DNAJB5: variants seen among roughly 807,000 people sequenced by gnomAD.
DNAJB5 encodes the protein DnaJ heat shock protein family (Hsp40) member B5, also known as dnaJ homolog subfamily B member 5.
A neutral mutation model predicts 32.6 loss-of-function variants in DNAJB5; 12 were observed. The ratio of observed to expected loss-of-function variants is 0.37; its 90% CI spans 0.24 to 0.60. The LOEUF (loss-of-function observed/expected upper bound fraction) is 0.60, where lower values mean the gene tolerates loss of function less well. Ranked by LOEUF, DNAJB5 falls within the 20% of genes least tolerant of loss-of-function variation. The pLI is 0.71. For missense variants in DNAJB5, 358 were observed against 554.2 expected (o/e 0.65, Z 3.55); for synonymous variants, 188 against 212.9 (o/e 0.88, Z 1.02).
At chr9:34,994,542 T>C (rs920104439) in intron 3 of DNAJB5, among the ~76,000 whole-genome samples, 11 of 152,160 alleles carry the variant, frequency 7.2e-5, no homozygotes, top group Non-Finnish European at 1.3e-4. Flanking sequence ...CTCTCTGGCA[T>C]GGAGGGATGG....
chr9:34,992,093 T>G (rs1827664311), intron 2 of DNAJB5: 1 of 152,498 alleles, frequency 6.6e-6, no homozygotes, highest in Non-Finnish European at 1.5e-5. Flanking sequence ...GGGCTGAGAA[T>G]GGCTTCTGGC....
Position 34,997,408 on chromosome 9 carries a change from T to C in DNAJB5, c.*149T>C, listed in dbSNP as rs756805139. ...ACTGGTTTTCAGGAAAATGTTCCTG[T>C]CCCTGACCCCTTTTAGAGCTGGGCT... On this transcript the variant is annotated 3_prime_UTR_variant, in exon 5 of 5. Coordinates refer to ENST00000682809, the MANE Select transcript of DNAJB5 (RefSeq NM_001349723.3). The surrounding 1 kb of genome is among the most constrained non-coding windows in gnomAD (Gnocchi z 4.1). 1.1e-6 allele frequency: 1 copy of C among 904,906 alleles called. No homozygotes were observed. Among genetic ancestry groups the C allele is most frequent in the Non-Finnish European group, 1.8e-6 (1 of 566,848 alleles). 56.1% of individuals were successfully genotyped at this position (904,906 alleles called of 1,614,324 possible).
rs1587494834 is a variant in DNAJB5 at position 34,990,985 on chromosome 9, T to A, written c.182+173T>A. 1.5e-6 allele frequency: 1 copy of A among 656,376 alleles called. No homozygotes were observed. The highest frequency in any genetic ancestry group is 2.7e-5 in the East Asian group (1 of 36,444). 40.7% of individuals were successfully genotyped at this position (656,376 alleles called of 1,614,324 possible). ...TTGAATGAATTGCACCCCTTATCATTCCTTTTCTCAAACCCTTCAGGTATC... is the reference window on the plus strand; with the variant it reads ...TTGAATGAATTGCACCCCTTATCATACCTTTTCTCAAACCCTTCAGGTATC... On this transcript the variant is annotated intron_variant, in intron 2 of 4. Transcript: ENST00000682809. This position sits in a 1 kb window ranked among gnomAD's most constrained non-coding sequence, Gnocchi z 4.5.
In DNAJB5 at chr9:34,993,098, G is replaced by A; in HGVS notation, c.183-102G>A. 1 of 1,471,942 alleles carries A rather than the reference G, an allele frequency of 6.8e-7. No individual in the cohort carries two copies. The highest frequency in any genetic ancestry group is 9.0e-7 in the Non-Finnish European group (1 of 1,116,252). 91.2% of individuals were successfully genotyped at this position (1,471,942 alleles called of 1,614,324 possible). A position where few individuals can be genotyped will look rare whatever the true frequency, so the allele number is the denominator to read the frequency against. On this transcript the variant is annotated intron_variant, in intron 2 of 4. Transcript: ENST00000682809. The surrounding 1 kb of genome is among the most constrained non-coding windows in gnomAD (Gnocchi z 4.7). ...CAGGCCCACAGAACAGGCATGACCT[G>A]CTGAAGGTTACCCAGGGAGTCATTT...
At position 34,989,775 on chromosome 9, in the gene DNAJB5, G is replaced by A; in HGVS notation, c.-189G>A. 1 of 1,231,360 alleles carries A rather than the reference G, an allele frequency of 8.1e-7. No homozygotes were observed. The highest frequency in any genetic ancestry group is 1.0e-6 in the Non-Finnish European group (1 of 987,596). 76.3% of individuals were successfully genotyped at this position (1,231,360 alleles called of 1,614,324 possible). ...GGGTGGAGGCGGCGGAGCCGGAGCC[G>A]GGGGAGGGGGCAGCGGCTGTCTCAC... is the stretch of plus-strand genomic sequence containing the variant. On this transcript the variant is annotated 5_prime_UTR_variant, in exon 1 of 5. Coordinates refer to ENST00000682809, the MANE Select transcript of DNAJB5 (RefSeq NM_001349723.3).
At position 34,997,094 on chromosome 9, in the gene DNAJB5, T is replaced by G; in HGVS notation, c.1098T>G (p.Asp366Glu). 6.2e-7 allele frequency: 1 copy of G among 1,614,184 alleles called. No individual in the cohort carries two copies. Among genetic ancestry groups the G allele is most frequent in the Non-Finnish European group, 8.5e-7 (1 of 1,180,036 alleles). ...DGRVIPLPCN[D>E]VIKPGTVKRL... ...GAGTGATCCCTTTGCCCTGCAATGA[T>G]GTCATCAAGCCAGGCACCGTGAAGA... The change falls in exon 5 of 5, where the codon GAT becomes GAG. Residue 366 changes from aspartate to glutamate, a missense_variant. By Grantham distance (45) the Asp-to-Glu change is conservative. This residue lies in a region of DNAJB5 where 248 missense variants were observed against 442.6 expected (regional missense o/e 0.56). Transcript: ENST00000682809. This position sits in a 1 kb window ranked among gnomAD's most constrained non-coding sequence, Gnocchi z 4.1.
At chr9:34,991,443 G>T (rs1243735048) in intron 2 of DNAJB5, 2 of 455,440 alleles carry the variant, frequency 4.4e-6, no homozygotes, top group East Asian at 1.4e-4. Context: ...AAGCTGGCCG[G>T]GTGTGGAGGT....
chr9:34,992,856 G>A (rs143843879), intron 2 of DNAJB5: 16,855 of 1,102,214 alleles, frequency 0.015, 150 homozygotes, highest in Middle Eastern at 0.028. Context: ...TGTGTGGGTC[G>A]CTCAGTCCAT....
Position 34,993,123 on chromosome 9 carries a change from T to C in DNAJB5, c.183-77T>C. 1 of 1,505,932 alleles carries C rather than the reference T, an allele frequency of 6.6e-7. No homozygotes were observed. Among genetic ancestry groups the C allele is most frequent in the Non-Finnish European group, 8.8e-7 (1 of 1,130,730 alleles). 93.3% of individuals were successfully genotyped at this position (1,505,932 alleles called of 1,614,324 possible). ...GCTGAAGGTTACCCAGGGAGTCATTTAGGGATTGCAAGATCATCAGGAACA... is the reference window on the plus strand; with the variant it reads ...GCTGAAGGTTACCCAGGGAGTCATTCAGGGATTGCAAGATCATCAGGAACA... On this transcript the variant is annotated intron_variant, in intron 2 of 4. Coordinates refer to ENST00000682809, the MANE Select transcript of DNAJB5 (RefSeq NM_001349723.3). This position sits in a 1 kb window ranked among gnomAD's most constrained non-coding sequence, Gnocchi z 4.7.
rs776358163 is a variant in DNAJB5 at position 34,997,723 on chromosome 9, G to C, written c.*464G>C. 2.2e-5 allele frequency: 7 copies of C among 318,908 alleles called. No homozygotes were observed. Among genetic ancestry groups the C allele is most frequent in the Admixed American group, 8.5e-5 (2 of 23,612 alleles). The allele number at this position is 318,908 out of a possible 1,614,324, so 19.8% of individuals were successfully genotyped here. The stretch of plus-strand genomic sequence containing the variant: ...CCACCCCCAGGTCCACAGTGTCCAA[G>C]GTAATGGCACACATATTCATGCACA... On this transcript the variant is annotated 3_prime_UTR_variant, in exon 5 of 5. Coordinates refer to ENST00000682809, the MANE Select transcript of DNAJB5 (RefSeq NM_001349723.3). The surrounding 1 kb of genome is among the most constrained non-coding windows in gnomAD (Gnocchi z 4.1).
At chr9:34,994,567 G>GA (rs2132980752) in intron 3 of DNAJB5, among the ~76,000 whole-genome samples, 1 of 152,312 alleles carries the variant, frequency 6.6e-6, no homozygotes, top group East Asian at 1.9e-4. Flanking sequence ...GATAGGAGTG[G>GA]AAAAGAGGGA....
chr9:34,997,346 G>C lies in DNAJB5; in HGVS notation c.*87G>C. The C allele has an allele frequency of 7.3e-7, 1 of 1,377,706 alleles. No homozygotes were observed. The allele number at this position is 1,377,706 out of a possible 1,614,324, so 85.3% of individuals were successfully genotyped here. On this transcript the variant is annotated 3_prime_UTR_variant, in exon 5 of 5. Coordinates refer to ENST00000682809, the MANE Select transcript of DNAJB5 (RefSeq NM_001349723.3). This position sits in a 1 kb window ranked among gnomAD's most constrained non-coding sequence, Gnocchi z 4.1. The stretch of plus-strand genomic sequence containing the variant: ...TGTGCACCCAGCTTGATGTCCACTG[G>C]ACACTGGCAACTTTTTCTAAAATGC...
chr9:34,993,554 G>A lies in DNAJB5; in HGVS notation c.427+110G>A. 1 of 1,433,320 alleles carries A rather than the reference G, an allele frequency of 7.0e-7. No homozygotes were observed. Among genetic ancestry groups the A allele is most frequent in the East Asian group, 2.3e-5 (1 of 43,404 alleles). The allele number at this position is 1,433,320 out of a possible 1,614,324, so 88.8% of individuals were successfully genotyped here. ...GGAGGCTGTGGAGGGGGTGAGGGCA[G>A]CAAGGGTTTCCAGCACTGTCACCCA... On this transcript the variant is annotated intron_variant, in intron 3 of 4. Transcript: ENST00000682809. The surrounding 1 kb of genome is among the most constrained non-coding windows in gnomAD (Gnocchi z 4.7).
rs1255845461 is a variant in DNAJB5, at chr9:34,993,858, G to A, written c.427+414G>A. Among the ~76,000 whole-genome samples, 1 of 152,162 alleles carries A rather than the reference G, an allele frequency of 6.6e-6. No individual in the cohort carries two copies. The highest frequency in any genetic ancestry group is 1.9e-4 in the East Asian group (1 of 5,196). On this transcript the variant is annotated intron_variant, in intron 3 of 4. Coordinates refer to ENST00000682809, the MANE Select transcript of DNAJB5 (RefSeq NM_001349723.3). The surrounding 1 kb of genome is among the most constrained non-coding windows in gnomAD (Gnocchi z 4.7). ...AAAGTCTGGCCCTTAAGCAGCCTGG[G>A]AATTAACTACCAGAGCTCTGAGCAG...
chr9:34,990,327 T>G lies in DNAJB5; in HGVS notation c.-132-172T>G. 1 of 1,459,792 alleles carries G rather than the reference T, an allele frequency of 6.9e-7. No individual in the cohort carries two copies. Among genetic ancestry groups the G allele is most frequent in the Admixed American group, 2.1e-5 (1 of 48,540 alleles). 90.4% of individuals were successfully genotyped at this position (1,459,792 alleles called of 1,614,324 possible). A position where few individuals can be genotyped will look rare whatever the true frequency, so the allele number is the denominator to read the frequency against. ...CAGGAGCTCACTGCCTCTCGGGCCC[T>G]CACAATCACACCTGTCACAGGTATA... is the stretch of plus-strand genomic sequence containing the variant. On this transcript the variant is annotated intron_variant, in intron 1 of 4. Transcript: ENST00000682809. The surrounding 1 kb of genome is among the most constrained non-coding windows in gnomAD (Gnocchi z 4.5).
rs1447006221 is a variant in DNAJB5, at chr9:34,990,260, G to A, written c.-132-239G>A. 8.1e-6 allele frequency: 11 copies of A among 1,360,460 alleles called. No homozygotes were observed. The highest frequency in any genetic ancestry group is 9.6e-6 in the Non-Finnish European group (10 of 1,039,850). 84.3% of individuals were successfully genotyped at this position (1,360,460 alleles called of 1,614,324 possible). A position where few individuals can be genotyped will look rare whatever the true frequency, so the allele number is the denominator to read the frequency against. On this transcript the variant is annotated intron_variant, in intron 1 of 4. Coordinates refer to ENST00000682809, the MANE Select transcript of DNAJB5 (RefSeq NM_001349723.3). This position sits in a 1 kb window ranked among gnomAD's most constrained non-coding sequence, Gnocchi z 4.5. ...TCCCGTCAGTGACTTCATTGAGTAG[G>A]TTCTTGGGGATTGGGGTCGGGTCCT...
Position 34,993,536 on chromosome 9 carries a change from G to A in DNAJB5, c.427+92G>A, listed in dbSNP as rs113265350. ...TTTGTGTAGCGGGGAACTGGAGGCT[G>A]TGGAGGGGGTGAGGGCAGCAAGGGT... On this transcript the variant is annotated intron_variant, in intron 3 of 4. Transcript: ENST00000682809. The surrounding 1 kb of genome is among the most constrained non-coding windows in gnomAD (Gnocchi z 4.7). 21,116 of 1,504,808 alleles carry A rather than the reference G, an allele frequency of 0.014. 201 individuals carry two copies. The highest frequency in any genetic ancestry group is 0.037 in the Middle Eastern group (150 of 4,060). 93.2% of individuals were successfully genotyped at this position (1,504,808 alleles called of 1,614,324 possible).
At position 34,989,849 on chromosome 9, in the gene DNAJB5, G is replaced by A. The variant is rs925707390; in HGVS notation, c.-133+18G>A. ...CCTCACCGGTGAGGGCGCCAAGCCAGGACTCGGGGGTCCCGGGAGCGGGGC... is the reference window on the plus strand; with the variant it reads ...CCTCACCGGTGAGGGCGCCAAGCCAAGACTCGGGGGTCCCGGGAGCGGGGC... On this transcript the variant is annotated intron_variant, in intron 1 of 4. Transcript: ENST00000682809. The A allele has an allele frequency of 1.1e-5, 14 of 1,236,796 alleles. No individual in the cohort carries two copies. The highest frequency in any genetic ancestry group is 2.0e-6 in the Non-Finnish European group (2 of 990,816). The allele number at this position is 1,236,796 out of a possible 1,614,324, so 76.6% of individuals were successfully genotyped here.
chr9:34,991,624 C>G (rs1201832796), intron 2 of DNAJB5: 11 of 216,958 alleles, frequency 5.1e-5, no homozygotes, highest in South Asian at 6.9e-5. Flanking sequence ...CACCCCCCCC[C>G]GCTCCCTCTC....
Sources: allele counts gnomAD v4.1 joint callset (sites outside exome capture counted in the v4.1 genomes callset), GRCh38; gene constraint gnomAD v4.1.1; regional missense constraint gnomAD v4.1.1; non-coding constraint Gnocchi (gnomAD v3.1); transcripts MANE v1.5; gene names NCBI Gene and HGNC (gene_info 2026-07-23, HGNC 2026-07-21).